EYA1: variants seen among roughly 807,000 people sequenced by gnomAD.
EYA1 encodes the protein protein phosphatase EYA1.
EYA1 carries 16 observed loss-of-function variants against 82.0 expected under a neutral mutation model. The ratio of observed to expected loss-of-function variants is 0.20; its 90% CI spans 0.13 to 0.30. The LOEUF (loss-of-function observed/expected upper bound fraction) is 0.30. EYA1 is among the 10% of genes least tolerant of loss of function. EYA1 has a pLI of 1.00. For missense variants in EYA1, 633 were observed against 730.7 expected (o/e 0.87, Z 1.54); for synonymous variants, 261 against 264.4 (o/e 0.99, Z 0.12).
chr8:71,371,619 A>C (rs1411444195), intron 2 of EYA1, among the ~76,000 whole-genome samples: 1 of 152,232 alleles, frequency 6.6e-6, no homozygotes, highest in Admixed American at 6.5e-5. Flanking sequence ...GAAGAGTCTG[A>C]GGAAAGCTTC....
rs566607231 is a variant in EYA1, at chr8:71,542,903, G to GT, written c.-73+4960dup. ...TGTCCTTTGCCCACTTTTTAATGGG[G>GT]TTTTTTTTCTTGTAAATTTGTTTAA... On this transcript the variant is annotated intron_variant, in intron 1 of 18. Coordinates refer to the EYA1 transcript ENST00000643681. Among the ~76,000 whole-genome samples the GT allele has an allele frequency of 3.3e-3, 498 of 151,872 alleles. 2 individuals carry two copies. The highest frequency in any genetic ancestry group is 5.3e-3 in the Non-Finnish European group (357 of 67,914).
At chr8:71,538,609 A>C (rs1321461790) in intron 1 of EYA1, among the ~76,000 whole-genome samples, 1 of 152,198 alleles carries the variant, frequency 6.6e-6, no homozygotes, top group Non-Finnish European at 1.5e-5. Context: ...ACACATAGAG[A>C]GCAACTAGTC....
Position 71,536,958 on chromosome 8 carries a change from T to G in EYA1, c.-72-1110A>C, listed in dbSNP as rs559311092. ...AAATGAGAAATTTTAAATGAATATC[T>G]TGCAGCTTTATATTTTACACAACTA... On this transcript the variant is annotated intron_variant, in intron 1 of 18. Transcript: ENST00000643681. 2.1e-4 allele frequency among the ~76,000 whole-genome samples: 32 copies of G among 152,352 alleles called. No homozygotes were observed. In the South Asian group the frequency reaches 6.6e-3, roughly 32 times the overall value.
At chr8:71,491,664 T>G (rs1811005921) in intron 2 of EYA1, among the ~76,000 whole-genome samples, 2 of 152,166 alleles carry the variant, frequency 1.3e-5, no homozygotes, top group South Asian at 4.1e-4. Context: ...CTCCAGATTG[T>G]GAGAAAATCA....
chr8:71,287,980 C>T (rs1403118046), intron 9 of EYA1, among the ~76,000 whole-genome samples: 1 of 152,148 alleles, frequency 6.6e-6, no homozygotes, highest in East Asian at 1.9e-4. Flanking sequence ...AGCTAAGTGG[C>T]CTTCCCAAGT....
intron 4 of EYA1, among the ~76,000 whole-genome samples, chr8:71,325,371 TGCATTATAACTA>T (rs1411816085): frequency 6.6e-6 from 1 of 152,114 alleles, no homozygotes; most frequent in Non-Finnish European, 1.5e-5. Flanking sequence ...CCCCCAACAT[TGCATTATAACTA>T]GCGTATGTAG....
intron 2 of EYA1, among the ~76,000 whole-genome samples, chr8:71,439,236 A>G (rs537008795): frequency 6.6e-6 from 1 of 152,330 alleles, no homozygotes; most frequent in South Asian, 2.1e-4. Context: ...CCACCTAGCC[A>G]TAACTCTTAC....
chr8:71,287,045 C>T (rs1478683396), intron 9 of EYA1, among the ~76,000 whole-genome samples: 5 of 151,888 alleles, frequency 3.3e-5, no homozygotes. Flanking sequence ...CGTGATCCAC[C>T]CTCTTCGGCC....
intron 9 of EYA1, among the ~76,000 whole-genome samples, chr8:71,292,957 G>A (rs998080991): frequency 2.0e-4 from 31 of 151,884 alleles, no homozygotes; most frequent in African/African-American, 6.8e-4. Flanking sequence ...AATCAGAGAA[G>A]TTAATAAAAT....
intron 1 of EYA1, among the ~76,000 whole-genome samples, chr8:71,536,286 T>G (rs891540836): frequency 6.6e-6 from 1 of 152,152 alleles, no homozygotes; most frequent in African/African-American, 2.4e-5. Context: ...GATTGTAGTC[T>G]GAACAAGGAT....
chr8:71,410,632 G>T (rs1437466198), intron 2 of EYA1, among the ~76,000 whole-genome samples: 1 of 110,952 alleles, frequency 9.0e-6, no homozygotes, highest in Non-Finnish European at 1.8e-5. Context: ...ATTCACAATT[G>T]CTTCAAAGAG....
chr8:71,234,531 G>A (rs1265108817), intron 12 of EYA1, among the ~76,000 whole-genome samples: 2 of 152,070 alleles, frequency 1.3e-5, no homozygotes, highest in South Asian at 2.1e-4. Flanking sequence ...GGCCACATTT[G>A]ACACAGGAGT....
intron 17 of EYA1, among the ~76,000 whole-genome samples, chr8:71,200,717 G>A (rs1326429785): frequency 6.6e-6 from 1 of 152,074 alleles, no homozygotes. Context: ...AGAAGATATA[G>A]AGATGCATGT....
At chr8:71,210,591 G>T (rs951064559) in intron 17 of EYA1, among the ~76,000 whole-genome samples, 1 of 152,324 alleles carries the variant, frequency 6.6e-6, no homozygotes, top group Middle Eastern at 3.4e-3. Context: ...AGAATATAAT[G>T]AACAGCAATG....
chr8:71,341,144 G>A (rs537068153), intron 3 of EYA1, among the ~76,000 whole-genome samples: 12 of 152,176 alleles, frequency 7.9e-5, no homozygotes, highest in African/African-American at 1.9e-4. Flanking sequence ...AGAGGATCCC[G>A]CCCGAATCAG....
At chr8:71,482,957 T>C (rs1286257436) in intron 2 of EYA1, among the ~76,000 whole-genome samples, 3 of 152,156 alleles carry the variant, frequency 2.0e-5, no homozygotes, top group Non-Finnish European at 2.9e-5. Context: ...TACAGGGGTG[T>C]CTACATAAAC....
intron 2 of EYA1, chr8:71,404,053 A>C (rs1257076097): frequency 6.6e-6 from 1 of 152,238 alleles, no homozygotes; most frequent in African/African-American, 2.4e-5. Context: ...ACTACAGCAC[A>C]GTGATTGGAA....
intron 9 of EYA1, among the ~76,000 whole-genome samples, chr8:71,282,885 G>T (rs890399240): frequency 1.3e-5 from 2 of 150,842 alleles, no homozygotes; most frequent in African/African-American, 4.9e-5. Flanking sequence ...CTAACAGACA[G>T]CTCAAACTTC....
intron 9 of EYA1, among the ~76,000 whole-genome samples, chr8:71,297,816 A>G (rs775827027): frequency 7.9e-5 from 12 of 152,194 alleles, no homozygotes; most frequent in Non-Finnish European, 1.2e-4. Context: ...GTTCTATGAA[A>G]ACTGTATGTA....
Sources: allele counts gnomAD v4.1 joint callset (sites outside exome capture counted in the v4.1 genomes callset), GRCh38; gene constraint gnomAD v4.1.1; transcripts MANE v1.5; gene names NCBI Gene and HGNC (gene_info 2026-07-23, HGNC 2026-07-21).